The following IL1RAPL1 variants were observed in gnomAD, a reference collection of about 807,000 sequenced individuals.
The protein encoded by IL1RAPL1 is interleukin-1 receptor accessory protein-like 1.
In IL1RAPL1, 3 loss-of-function variants were observed where a neutral mutation model predicts 48.4. That is an observed-to-expected ratio of 0.06 (90% CI 0.03 to 0.16). IL1RAPL1 has a LOEUF of 0.16. Among genes scored for constraint, IL1RAPL1 ranks in the 10% least tolerant of loss-of-function variants. IL1RAPL1 has a pLI of 1.00. For synonymous variants in IL1RAPL1, 185 were observed against 187.7 expected, an observed-to-expected ratio of 0.99 and a Z score of 0.12; for missense variants, 349 against 530.6, an observed-to-expected ratio of 0.66 and a Z score of 3.36.
intron 2 of IL1RAPL1, among the ~76,000 whole-genome samples, chrX:28,870,424 T>A (rs1922179687): frequency 9.0e-6 from 1 of 111,680 alleles, no homozygotes; most frequent in Admixed American, 9.5e-5. Flanking sequence ...AACAGGTATT[T>A]CCTGATTTCT....
At chrX:29,948,845 A>G (rs1405744310) in intron 9 of IL1RAPL1, among the ~76,000 whole-genome samples, 8 of 98,234 alleles carry the variant, frequency 8.1e-5, no homozygotes, top group African/African-American at 2.7e-4. Flanking sequence ...AAAAAAAAAA[A>G]GAAAAAAAAA....
At chrX:29,428,301 T>C (rs1339630215) in intron 5 of IL1RAPL1, among the ~76,000 whole-genome samples, 1 of 111,736 alleles carries the variant, frequency 8.9e-6, no homozygotes, top group African/African-American at 3.3e-5. Context: ...GCAGGCTGAG[T>C]TTAAAGGTTT....
intron 5 of IL1RAPL1, among the ~76,000 whole-genome samples, chrX:29,623,281 CAAA>C (rs778619420): frequency 3.4e-5 from 3 of 88,131 alleles, no homozygotes; most frequent in Admixed American, 1.3e-4. Context: ...GACTCCGTCT[CAAA>C]AAAAAAAAAA....
At chrX:29,710,034 G>C (rs1927297357) in intron 6 of IL1RAPL1, among the ~76,000 whole-genome samples, 1 of 111,832 alleles carries the variant, frequency 8.9e-6, no homozygotes, top group African/African-American at 3.2e-5. Context: ...CTGAATTTAA[G>C]TATCTCGATT....
chrX:28,604,658 C>T (rs1027936496), intron 1 of IL1RAPL1, among the ~76,000 whole-genome samples: 8 of 89,137 alleles, frequency 9.0e-5, no homozygotes, highest in Admixed American at 1.5e-4. Flanking sequence ...ACCCGGGAGG[C>T]GGAGGTTGCA....
intron 2 of IL1RAPL1, among the ~76,000 whole-genome samples, chrX:29,015,720 A>C (rs1410251762): frequency 2.7e-5 from 3 of 111,103 alleles, no homozygotes; most frequent in Non-Finnish European, 3.8e-5. Context: ...ACTCAAGCCA[A>C]GTGAATCAAA....
chrX:28,898,090 A>G (rs1448233558), intron 2 of IL1RAPL1, among the ~76,000 whole-genome samples: 3 of 111,804 alleles, frequency 2.7e-5, no homozygotes, highest in Non-Finnish European at 5.6e-5. Flanking sequence ...GTGATTCTTC[A>G]GTTACTTCAG....
chrX:29,914,790 C>T (rs1265936535), intron 6 of IL1RAPL1, among the ~76,000 whole-genome samples: 2 of 112,101 alleles, frequency 1.8e-5, no homozygotes, highest in East Asian at 2.8e-4. Flanking sequence ...TGACACTTGC[C>T]GTAGAAATCT....
At chrX:28,861,860 AATTTT>A (rs1356705356) in intron 2 of IL1RAPL1, among the ~76,000 whole-genome samples, 1 of 109,934 alleles carries the variant, frequency 9.1e-6, no homozygotes, top group Non-Finnish European at 1.9e-5. Flanking sequence ...GTATTTATTT[AATTTT>A]CTATTTTTTT....
intron 6 of IL1RAPL1, 62 bp downstream of exon 6, chrX:29,668,566 C>T: frequency 3.6e-6 from 3 of 825,204 alleles, no homozygotes; most frequent in Non-Finnish European, 5.4e-6. Flanking sequence ...AGTTAATAAG[C>T]CTAGATTGTA....
intron 2 of IL1RAPL1, among the ~76,000 whole-genome samples, chrX:29,061,283 C>T (rs896587879): frequency 1.8e-5 from 2 of 111,421 alleles, no homozygotes; most frequent in African/African-American, 6.5e-5. Flanking sequence ...ATTTGGAAAC[C>T]ATAACACCTG....
chrX:29,493,711 T>G (rs1935182929), intron 5 of IL1RAPL1, among the ~76,000 whole-genome samples: 1 of 111,339 alleles, frequency 9.0e-6, no homozygotes, highest in Admixed American at 9.6e-5. Context: ...GGGATACATG[T>G]GCAGGTTTGT....
chrX:29,463,966 C>T (rs889181888), intron 5 of IL1RAPL1, among the ~76,000 whole-genome samples: 1 of 111,372 alleles, frequency 9.0e-6, no homozygotes, highest in East Asian at 2.8e-4. Context: ...CTTGGATATC[C>T]AGCCCAGTCC....
intron 2 of IL1RAPL1, among the ~76,000 whole-genome samples, chrX:28,849,204 G>GA (rs1399455783): frequency 9.0e-6 from 1 of 110,511 alleles, no homozygotes; most frequent in African/African-American, 3.3e-5. Flanking sequence ...CTGAAAAGGG[G>GA]AAAAAATCAC....
At chrX:28,823,875 G>A (rs1157814855) in intron 2 of IL1RAPL1, among the ~76,000 whole-genome samples, 1 of 111,090 alleles carries the variant, frequency 9.0e-6, no homozygotes, top group Non-Finnish European at 1.9e-5. Flanking sequence ...AATCACATCA[G>A]CCATGTCCTT....
At chrX:29,699,593 C>G (rs1315726877) in intron 6 of IL1RAPL1, among the ~76,000 whole-genome samples, 1 of 111,943 alleles carries the variant, frequency 8.9e-6, no homozygotes, top group Non-Finnish European at 1.9e-5. Context: ...CTTTTAGAAA[C>G]CCCAGCCAGA....
At chrX:29,329,480 G>A (rs905721921) in intron 3 of IL1RAPL1, among the ~76,000 whole-genome samples, 5 of 111,005 alleles carry the variant, frequency 4.5e-5, no homozygotes, top group African/African-American at 1.6e-4. Context: ...AAAACAAAAC[G>A]TGGCCTATCT....
chrX:29,056,256 C>T (rs1927211449), intron 2 of IL1RAPL1, among the ~76,000 whole-genome samples: 1 of 110,940 alleles, frequency 9.0e-6, no homozygotes, highest in Non-Finnish European at 1.9e-5. Context: ...CAAGTTTGTA[C>T]CTGAGGATAA....
intron 2 of IL1RAPL1, among the ~76,000 whole-genome samples, chrX:29,056,005 G>A (rs1312866489): frequency 8.9e-6 from 1 of 112,053 alleles, no homozygotes; most frequent in Non-Finnish European, 1.9e-5. Context: ...AAATAAGAAC[G>A]TTGTTTCAAG....
Sources: gnomAD v4.1 joint callset for allele counts (sites outside exome capture counted in the v4.1 genomes callset) on GRCh38, gnomAD v4.1.1 for gene constraint, MANE v1.5 for transcripts, NCBI Gene and HGNC (gene_info 2026-07-23, HGNC 2026-07-21) for gene names.